Variants in USP32 observed in about 807,000 individuals in gnomAD.
USP32 encodes ubiquitin carboxyl-terminal hydrolase 32.
Under a neutral mutation model 204.8 loss-of-function variants are expected in USP32, and 59 were observed. The observed-to-expected ratio is 0.29, with a 90% confidence interval of 0.23 to 0.36. The LOEUF is 0.36. USP32 is among the 10% of genes least tolerant of loss of function. USP32 has a pLI of 1.00. For synonymous variants in USP32, 517 were observed against 678.4 expected (o/e 0.76, Z 3.70); for missense variants, 1,160 against 1,946.4 (o/e 0.60, Z 7.60).
intron 4 of USP32, among the ~76,000 whole-genome samples, chr17:60,290,594 G>A (rs757276111): frequency 1.4e-4 from 22 of 151,970 alleles, no homozygotes; most frequent in Non-Finnish European, 2.8e-4. Flanking sequence ...TAGTGGTTGC[G>A]ATATTGTTAA....
At chr17:60,211,938 A>T in intron 19 of USP32, 86 bp downstream of exon 19, 1 of 1,201,134 alleles carries the variant, frequency 8.3e-7, no homozygotes, top group Non-Finnish European at 1.1e-6. Context: ...GAAAACCAAA[A>T]GTTGTTAGCA....
chr17:60,385,280 C>G (rs1054013366), intron 1 of USP32, among the ~76,000 whole-genome samples: 1 of 152,168 alleles, frequency 6.6e-6, no homozygotes, highest in African/African-American at 2.4e-5. Flanking sequence ...ATAAAACAGC[C>G]CCATCCCTAT....
chr17:60,227,582 C>CTT (rs111424514), intron 12 of USP32, among the ~76,000 whole-genome samples: 4 of 139,710 alleles, frequency 2.9e-5, no homozygotes, highest in Non-Finnish European at 4.7e-5. Context: ...TTTTTCTTTT[C>CTT]TTTTTTTTTT....
rs555783438 is a variant in USP32, at chr17:60,260,826, A to G, written c.990+4586T>C. On this transcript the variant is annotated intron_variant, in intron 9 of 33. Transcript: ENST00000300896. ...TACATATAAATTTCTCCTACACTTG[A>G]TAGTAGTCAGAATAGTATATCTTCC... 7.2e-5 allele frequency among the ~76,000 whole-genome samples: 11 copies of G among 152,246 alleles called. No individual in the cohort carries two copies. The East Asian group carries it at 1.9e-3, about 27-fold the overall frequency.
chr17:60,214,707 C>A lies in USP32; in HGVS notation c.1935G>T (p.Met645Ile), dbSNP rs770779564. 2 of 1,613,838 alleles carry A rather than the reference C, an allele frequency of 1.2e-6. No homozygotes were observed. Among genetic ancestry groups the A allele is most frequent in the Non-Finnish European group, 1.7e-6 (2 of 1,179,820 alleles). Residue 645 changes from methionine to isoleucine, a missense_variant, in exon 17 of 34, where the codon ATG becomes ATT. By Grantham distance (10) the Met-to-Ile change is conservative. Coordinates refer to ENST00000300896, the MANE Select transcript of USP32 (RefSeq NM_032582.4). Reference sequence around the variant, plus strand: ...ATTCGTGAATTTCCTTGATGGTCTGCATTCGACTAAAACAGCCTGTATAGG... The same window carrying A: ...ATTCGTGAATTTCCTTGATGGTCTGAATTCGACTAAAACAGCCTGTATAGG... ...VLAYTGCFSR[M>I]QTIKEIHEYL...
intron 2 of USP32, among the ~76,000 whole-genome samples, chr17:60,317,936 G>A (rs758631539): frequency 6.6e-6 from 1 of 152,216 alleles, no homozygotes; most frequent in Non-Finnish European, 1.5e-5. Flanking sequence ...AGTAAGCTGA[G>A]ATGGTGCCAC....
Position 60,294,805 on chromosome 17 carries a change from A to C in USP32, c.293-4T>G, listed in dbSNP as rs1478849284. The C allele has an allele frequency of 6.4e-7, 1 of 1,563,160 alleles. No homozygotes were observed. ...CTTGAAAAAAGACTAAAAATGTCTA[A>C]GAAAAAGAAAGATAGAATAAATTAA... On this transcript the variant is annotated splice_region_variant and splice_polypyrimidine_tract_variant and intron_variant, in intron 3 of 33. Coordinates refer to ENST00000300896, the MANE Select transcript of USP32 (RefSeq NM_032582.4).
At chr17:60,260,606 A>G (rs1233844144) in intron 9 of USP32, among the ~76,000 whole-genome samples, 1 of 151,914 alleles carries the variant, frequency 6.6e-6, no homozygotes, top group African/African-American at 2.4e-5. Flanking sequence ...TAATCTATAT[A>G]TAATTTTCTA....
Position 60,205,576 on chromosome 17 carries a change from A to G in USP32, c.3120T>C (p.Asn1040=), listed in dbSNP as rs375841770. 1.9e-6 allele frequency: 3 copies of G among 1,613,958 alleles called. No individual in the cohort carries two copies. The highest frequency in any genetic ancestry group is 2.5e-6 in the Non-Finnish European group (3 of 1,179,864). Residue 1040 remains asparagine (N), a synonymous_variant, in exon 26 of 34, where the codon AAT becomes AAC. Transcript: ENST00000300896. The part of the protein sequence containing the change: ...GDLPRPIFIP[N]GMPNTVVPCG... ...ATGGCACAACAGTGTTTGGCATTCCATTGGGGATGAATATTGGTCGGGGTA... is the reference window on the plus strand; with the variant it reads ...ATGGCACAACAGTGTTTGGCATTCCGTTGGGGATGAATATTGGTCGGGGTA...
At chr17:60,318,461 T>C (rs2088035880) in intron 2 of USP32, among the ~76,000 whole-genome samples, 3 of 152,228 alleles carry the variant, frequency 2.0e-5, no homozygotes, top group African/African-American at 4.8e-5. Context: ...GAAAAGGACT[T>C]GTTCACATCT....
At chr17:60,392,211 T>G (rs1048712204), upstream of USP32, 7 of 341,634 alleles carry the variant, frequency 2.0e-5, no homozygotes, top group Non-Finnish European at 2.7e-5. Context: ...TCTCCTTCCC[T>G]CCTCACGCCC....
chr17:60,279,214 T>C, intron 5 of USP32, among the ~76,000 whole-genome samples: 1 of 152,182 alleles, frequency 6.6e-6, no homozygotes. Context: ...TCATTAATCC[T>C]GTTGACTGGG....
At chr17:60,222,576 G>C in intron 14 of USP32, 27 bp from the exon 15 acceptor site, 1 of 1,601,864 alleles carries the variant, frequency 6.2e-7, no homozygotes, top group Non-Finnish European at 8.5e-7. Flanking sequence ...TGACAATGTT[G>C]ACTTTCAATA....
At chr17:60,327,163 T>C (rs1040141140) in intron 2 of USP32, among the ~76,000 whole-genome samples, 6 of 152,236 alleles carry the variant, frequency 3.9e-5, no homozygotes, top group Admixed American at 3.9e-4. Context: ...TGACAAATGT[T>C]TGAGATGATG....
intron 2 of USP32, among the ~76,000 whole-genome samples, chr17:60,329,304 C>G (rs960155584): frequency 6.0e-5 from 9 of 150,430 alleles, no homozygotes; most frequent in Non-Finnish European, 1.3e-4. Context: ...AAGAATTGTC[C>G]TAAGAGTTCC....
At chr17:60,358,671 AC>A (rs1189687110) in intron 1 of USP32, among the ~76,000 whole-genome samples, 1 of 152,212 alleles carries the variant, frequency 6.6e-6, no homozygotes, top group African/African-American at 2.4e-5. Context: ...TAAGTTTTTA[AC>A]ATCTAAAAAT....
At chr17:60,371,958 T>C (rs1385011612) in intron 1 of USP32, among the ~76,000 whole-genome samples, 1 of 152,194 alleles carries the variant, frequency 6.6e-6, no homozygotes, top group Admixed American at 6.5e-5. Flanking sequence ...TACTACCTAA[T>C]TTCAGCTGTG....
At chr17:60,245,228 ATT>A (rs61362181) in intron 11 of USP32, 17 of 190,922 alleles carry the variant, frequency 8.9e-5, no homozygotes, top group South Asian at 2.6e-4. Flanking sequence ...GGTGCTCTTT[ATT>A]TTTTTTTTTG....
At chr17:60,377,888 T>C (rs1427944653) in intron 1 of USP32, among the ~76,000 whole-genome samples, 3 of 152,198 alleles carry the variant, frequency 2.0e-5, no homozygotes, top group Non-Finnish European at 4.4e-5. Context: ...ATCTGTAACA[T>C]TGTTTAAGTT....
Sources: allele counts gnomAD v4.1 joint callset (sites outside exome capture counted in the v4.1 genomes callset), GRCh38; gene constraint gnomAD v4.1.1; transcripts MANE v1.5; gene names NCBI Gene and HGNC (gene_info 2026-07-23, HGNC 2026-07-21).